EPC2: variants seen among roughly 807,000 people sequenced by gnomAD.
EPC2 encodes the protein enhancer of polycomb homolog 2.
In EPC2, 14 loss-of-function variants were observed where a neutral mutation model predicts 92.1. That is an observed-to-expected ratio of 0.15 (90% CI 0.10 to 0.24). The LOEUF is 0.24. EPC2 is among the 10% of genes least tolerant of loss of function. The pLI is 1.00. For missense variants in EPC2, 755 were observed against 971.5 expected (o/e 0.78, Z 2.96); for synonymous variants, 340 against 334.7 (o/e 1.02, Z -0.17).
At chr2:148,675,612 A>G (rs755134308) in intron 1 of EPC2, among the ~76,000 whole-genome samples, 1 of 152,086 alleles carries the variant, frequency 6.6e-6, no homozygotes, top group Non-Finnish European at 1.5e-5. Flanking sequence ...AACTCTTTCT[A>G]GCTGGTGTTC....
At chr2:148,698,671 C>T (rs1574589533) in intron 2 of EPC2, among the ~76,000 whole-genome samples, 3 of 120,102 alleles carry the variant, frequency 2.5e-5, no homozygotes, top group African/African-American at 3.0e-5. Context: ...TCCTGTTTCT[C>T]TGATAGAAAC....
intron 12 of EPC2, 115 bp downstream of exon 12, chr2:148,783,871 C>G: frequency 9.9e-7 from 1 of 1,013,612 alleles, no homozygotes; most frequent in South Asian, 1.7e-5. Context: ...AATCAGGACT[C>G]TTTAGGATTT....
At chr2:148,648,649 C>A (rs1303749937) in intron 1 of EPC2, among the ~76,000 whole-genome samples, 1 of 151,974 alleles carries the variant, frequency 6.6e-6, no homozygotes, top group Non-Finnish European at 1.5e-5. Context: ...CCCCCTCTAT[C>A]CCCACCCACC....
intron 1 of EPC2, among the ~76,000 whole-genome samples, chr2:148,660,191 T>C (rs887108034): frequency 1.3e-5 from 2 of 152,148 alleles, no homozygotes; most frequent in Non-Finnish European, 2.9e-5. Flanking sequence ...GGTCTATGTG[T>C]GTAAGAGAGA....
intron 10 of EPC2, among the ~76,000 whole-genome samples, chr2:148,775,870 C>T (rs561846581): frequency 4.0e-5 from 6 of 149,482 alleles, no homozygotes; most frequent in Non-Finnish European, 8.9e-5. Flanking sequence ...CTCTGCCTCC[C>T]GGGTTCACGC....
chr2:148,745,527 T>C (rs559746100), intron 3 of EPC2, among the ~76,000 whole-genome samples: 2 of 152,248 alleles, frequency 1.3e-5, no homozygotes, highest in South Asian at 4.1e-4. Context: ...TGTGCACATA[T>C]AATCAGCCCC....
chr2:148,751,520 A>G (rs1683082251), intron 3 of EPC2, among the ~76,000 whole-genome samples: 1 of 152,024 alleles, frequency 6.6e-6, no homozygotes, highest in African/African-American at 2.4e-5. Flanking sequence ...GAACATTTTT[A>G]TTTTTAATTT....
At chr2:148,685,556 C>T (rs1036696227) in intron 1 of EPC2, among the ~76,000 whole-genome samples, 4 of 152,218 alleles carry the variant, frequency 2.6e-5, no homozygotes, top group Non-Finnish European at 5.9e-5. Flanking sequence ...GTCAGGAGAT[C>T]GAGACCATCC....
chr2:148,751,409 C>T (rs1683081021), intron 3 of EPC2, among the ~76,000 whole-genome samples: 1 of 152,016 alleles, frequency 6.6e-6, no homozygotes, highest in African/African-American at 2.4e-5. Flanking sequence ...TGTAAATCAA[C>T]TCAGAGCTAT....
chr2:148,762,097 TAA>T, intron 5 of EPC2, 167 bp downstream of exon 5: 1 of 526,122 alleles, frequency 1.9e-6, no homozygotes, highest in South Asian at 3.0e-5. Context: ...TTTTATAGAT[TAA>T]GTTATCAATT....
At chr2:148,706,918 T>G (rs1348368283) in intron 2 of EPC2, among the ~76,000 whole-genome samples, 2 of 152,098 alleles carry the variant, frequency 1.3e-5, no homozygotes, top group Non-Finnish European at 1.5e-5. Flanking sequence ...AGACCATCGA[T>G]GCTAGGAAGA....
At chr2:148,719,497 A>G (rs1682325226) in intron 2 of EPC2, among the ~76,000 whole-genome samples, 1 of 152,104 alleles carries the variant, frequency 6.6e-6, no homozygotes, top group Non-Finnish European at 1.5e-5. Flanking sequence ...GGGCTGCTGC[A>G]GTTTGCTGGA....
chr2:148,769,357 C>A, intron 8 of EPC2, 117 bp downstream of exon 8: 2 of 714,608 alleles, frequency 2.8e-6, no homozygotes, highest in East Asian at 2.8e-5. Flanking sequence ...TTTTATTTAA[C>A]ATCCTTTATG....
chr2:148,708,173 C>T (rs1682046253), intron 2 of EPC2, among the ~76,000 whole-genome samples: 1 of 152,076 alleles, frequency 6.6e-6, no homozygotes, highest in Non-Finnish European at 1.5e-5. Flanking sequence ...TCACCACCTG[C>T]CCTACGGAAG....
intron 2 of EPC2, among the ~76,000 whole-genome samples, chr2:148,700,426 C>T (rs1431562769): frequency 6.6e-6 from 1 of 151,934 alleles, no homozygotes; most frequent in Non-Finnish European, 1.5e-5. Flanking sequence ...TATCTAGATT[C>T]ATTTTTTTTC....
At chr2:148,698,633 CAAAAAAAA>C (rs36045036) in intron 2 of EPC2, among the ~76,000 whole-genome samples, 4 of 57,008 alleles carry the variant, frequency 7.0e-5, no homozygotes, top group African/African-American at 2.3e-4. Context: ...GACTCCATCT[CAAAAAAAA>C]AAAAAAAAAA....
chr2:148,659,054 T>C (rs775719179), intron 1 of EPC2, among the ~76,000 whole-genome samples: 3 of 152,114 alleles, frequency 2.0e-5, no homozygotes, highest in Non-Finnish European at 4.4e-5. Context: ...AAACTAGTTA[T>C]GAGTTTACTG....
chr2:148,658,644 T>C (rs1282239533), intron 1 of EPC2, among the ~76,000 whole-genome samples: 2 of 150,776 alleles, frequency 1.3e-5, no homozygotes, highest in Non-Finnish European at 3.0e-5. Flanking sequence ...CATTTTTCCC[T>C]TTTCAGTTCT....
chr2:148,749,807 G>A (rs1337474950), intron 3 of EPC2, among the ~76,000 whole-genome samples: 1 of 152,002 alleles, frequency 6.6e-6, no homozygotes, highest in Non-Finnish European at 1.5e-5. Flanking sequence ...GCTGTAATGT[G>A]TGTGTACATG....
Sources: allele counts gnomAD v4.1 joint callset (sites outside exome capture counted in the v4.1 genomes callset), GRCh38; gene constraint gnomAD v4.1.1; transcripts MANE v1.5; gene names NCBI Gene and HGNC (gene_info 2026-07-23, HGNC 2026-07-21).